The following TMEM272 variants were observed in gnomAD, a reference collection of about 807,000 sequenced individuals.
TMEM272 encodes the protein transmembrane protein 272.
A neutral mutation model predicts 3.7 loss-of-function variants in TMEM272; 8 were observed. The ratio of observed to expected loss-of-function variants is 2.17; its 90% CI spans 1.27 to 3.91. The LOEUF is 3.91. Among genes scored for constraint, TMEM272 ranks in the 30% most tolerant of loss-of-function variants. TMEM272 has a pLI of 0.00. For missense variants in TMEM272, 166 were observed against 91.5 expected (o/e 1.81, Z -3.32); for synonymous variants, 63 against 39.8 (o/e 1.58, Z -2.20).
the TMEM272 span, among the ~76,000 whole-genome samples, chr13:51,917,381 G>C: frequency 6.6e-6 from 1 of 152,158 alleles, no homozygotes; most frequent in Non-Finnish European, 1.5e-5. Flanking sequence ...GAAGGAAAGA[G>C]GGAGAGAGCA....
At chr13:51,886,806 C>T in the TMEM272 span, among the ~76,000 whole-genome samples, 1 of 152,090 alleles carries the variant, frequency 6.6e-6, no homozygotes, top group African/African-American at 2.4e-5. Context: ...TATTTTGGTC[C>T]CTGTGCTAAA....
the TMEM272 span, among the ~76,000 whole-genome samples, chr13:51,924,885 T>A: frequency 6.6e-6 from 1 of 152,182 alleles, no homozygotes; most frequent in South Asian, 2.1e-4. Flanking sequence ...CTTCTCTGTA[T>A]CTGATATAAA....
chr13:51,909,991 C>T, the TMEM272 span: 6 of 1,562,426 alleles, frequency 3.8e-6, no homozygotes, highest in Non-Finnish European at 5.3e-6. Context: ...TCACTCGAAG[C>T]ATCTTGTATT....
At chr13:51,897,785 G>A in the TMEM272 span, among the ~76,000 whole-genome samples, 1 of 151,646 alleles carries the variant, frequency 6.6e-6, no homozygotes, top group African/African-American at 2.4e-5. Flanking sequence ...AAATTAGCCA[G>A]GCATGGTGGT....
chr13:51,855,447 A>C, the TMEM272 span, among the ~76,000 whole-genome samples: 1 of 152,202 alleles, frequency 6.6e-6, no homozygotes, highest in Non-Finnish European at 1.5e-5. Context: ...TTTGACAGAA[A>C]ACCAAGAGGG....
the TMEM272 span, among the ~76,000 whole-genome samples, chr13:51,851,002 G>A: frequency 6.6e-6 from 1 of 152,126 alleles, no homozygotes; most frequent in African/African-American, 2.4e-5. Flanking sequence ...TTCCTCTGTA[G>A]GGGTATGGTA....
chr13:51,932,735 A>T, the TMEM272 span: 1 of 152,254 alleles, frequency 6.6e-6, no homozygotes, highest in African/African-American at 2.4e-5. Flanking sequence ...AGAAATGATT[A>T]TCTGACAAAA....
At chr13:51,826,324 C>T (rs1956124986) in intron 3 of TMEM272, among the ~76,000 whole-genome samples, 1 of 152,082 alleles carries the variant, frequency 6.6e-6, no homozygotes, top group Admixed American at 6.5e-5. Flanking sequence ...GGACAGATTT[C>T]TAAAAGAGAG....
chr13:51,858,987 T>TA, the TMEM272 span, among the ~76,000 whole-genome samples: 1 of 152,102 alleles, frequency 6.6e-6, no homozygotes, highest in African/African-American at 2.4e-5. Flanking sequence ...GAAGAACGGT[T>TA]AAAAACCAAT....
At chr13:51,865,556 G>A in the TMEM272 span, 1 of 1,614,082 alleles carries the variant, frequency 6.2e-7, no homozygotes, top group Non-Finnish European at 8.5e-7. Context: ...AATTTTTCGT[G>A]AAAAAATAGA....
At chr13:51,837,818 G>T (rs184016695) in intron 2 of TMEM272, among the ~76,000 whole-genome samples, 2 of 152,328 alleles carry the variant, frequency 1.3e-5, no homozygotes, top group East Asian at 3.9e-4. Context: ...ACCTTAGTCC[G>T]CCACTACCCA....
the TMEM272 span, among the ~76,000 whole-genome samples, chr13:51,928,482 C>T: frequency 8.5e-5 from 13 of 152,122 alleles, no homozygotes; most frequent in African/African-American, 2.9e-4. Flanking sequence ...GCTGAAGCCC[C>T]GACTGCACTC....
intron 4 of TMEM272, among the ~76,000 whole-genome samples, chr13:51,819,011 G>A (rs1036298936): frequency 5.9e-5 from 9 of 152,204 alleles, no homozygotes; most frequent in Non-Finnish European, 7.3e-5. Context: ...AAATTAAATT[G>A]GAGGGTTCTC....
At chr13:51,891,575 A>C in the TMEM272 span, among the ~76,000 whole-genome samples, 2 of 152,130 alleles carry the variant, frequency 1.3e-5, no homozygotes, top group East Asian at 3.9e-4. Context: ...GGTGGTGAGG[A>C]GGGGATTGGG....
chr13:51,921,919 T>A, the TMEM272 span, among the ~76,000 whole-genome samples: 3 of 152,258 alleles, frequency 2.0e-5, no homozygotes, highest in Non-Finnish European at 4.4e-5. Context: ...TGCGTGTGTG[T>A]GTGTATGTGT....
chr13:51,865,063 A>G, the TMEM272 span, among the ~76,000 whole-genome samples: 115 of 152,272 alleles, frequency 7.6e-4, 1 homozygote, highest in Admixed American at 3.8e-3. Context: ...TGTCACACCT[A>G]TGTGTTCTGA....
the TMEM272 span, among the ~76,000 whole-genome samples, chr13:51,925,909 TTA>T: frequency 6.6e-5 from 10 of 152,264 alleles, no homozygotes; most frequent in South Asian, 2.1e-3. Flanking sequence ...AGTAGTGTGT[TTA>T]TGTGTGCAGT....
chr13:51,883,892 A>G, the TMEM272 span, among the ~76,000 whole-genome samples: 1 of 152,178 alleles, frequency 6.6e-6, no homozygotes, highest in Non-Finnish European at 1.5e-5. Flanking sequence ...TGATACATCC[A>G]TTCCTTTGTC....
At chr13:51,856,723 A>G in the TMEM272 span, among the ~76,000 whole-genome samples, 1 of 152,228 alleles carries the variant, frequency 6.6e-6, no homozygotes, top group East Asian at 1.9e-4. Flanking sequence ...TAAAGCTGCC[A>G]AAGACCAAAG....
Sources: allele counts gnomAD v4.1 joint callset (sites outside exome capture counted in the v4.1 genomes callset), GRCh38; gene constraint gnomAD v4.1.1; transcripts MANE v1.5; gene names NCBI Gene and HGNC (gene_info 2026-07-23, HGNC 2026-07-21).